The following DPYD variants were observed in gnomAD, a reference collection of about 807,000 sequenced individuals.
DPYD encodes the protein dihydropyrimidine dehydrogenase [NADP(+)].
In DPYD, 109 loss-of-function variants were observed where a neutral mutation model predicts 116.2. The ratio of observed to expected loss-of-function variants is 0.94; its 90% CI spans 0.80 to 1.10. DPYD has a LOEUF of 1.10. Ranked by LOEUF, DPYD falls within the 50% of genes least tolerant of loss-of-function variation. The pLI, the probability that DPYD is intolerant of heterozygous loss-of-function variation, is 0.00. For missense variants in DPYD, 1,302 were observed against 1,254.5 expected, an observed-to-expected ratio of 1.04 and a Z score of -0.57; for synonymous variants, 440 against 432.0, an observed-to-expected ratio of 1.02 and a Z score of -0.23.
chr1:97,455,188 T>C (rs1676615258), intron 13 of DPYD, among the ~76,000 whole-genome samples: 1 of 151,856 alleles, frequency 6.6e-6, no homozygotes, highest in African/African-American at 2.4e-5. Context: ...GTACTAGTGA[T>C]ATATAATTAT....
intron 21 of DPYD, among the ~76,000 whole-genome samples, chr1:97,082,689 C>A (rs1009258115): frequency 1.3e-5 from 2 of 151,990 alleles, no homozygotes; most frequent in Non-Finnish European, 2.9e-5. Context: ...CTTAGAAATA[C>A]GAGACCTAAT....
intron 3 of DPYD, among the ~76,000 whole-genome samples, chr1:97,751,958 C>A (rs1258357916): frequency 6.6e-6 from 1 of 151,888 alleles, no homozygotes; most frequent in Non-Finnish European, 1.5e-5. Context: ...AGACTTTCAC[C>A]ACGTTGGCCG....
At chr1:97,624,245 T>G (rs944673562) in intron 8 of DPYD, among the ~76,000 whole-genome samples, 1 of 151,904 alleles carries the variant, frequency 6.6e-6, no homozygotes, top group African/African-American at 2.4e-5. Context: ...GGAGTTAATA[T>G]CCAAAATACT....
At chr1:97,580,639 T>G (rs967959251) in intron 10 of DPYD, among the ~76,000 whole-genome samples, 3 of 152,232 alleles carry the variant, frequency 2.0e-5, no homozygotes, top group Admixed American at 2.0e-4. Context: ...AGCCCACTTG[T>G]GTGCTTTTTT....
intron 8 of DPYD, among the ~76,000 whole-genome samples, chr1:97,599,860 CAAAAAAAAAAAAAAAAAAAA>C (rs56940277): frequency 2.5e-4 from 9 of 36,440 alleles, no homozygotes; most frequent in African/African-American, 6.7e-4. Context: ...CCCATCTCCA[CAAAAAAAAAAAAAAAAAAAA>C]AAAAAAAAAA....
intron 21 of DPYD, among the ~76,000 whole-genome samples, chr1:97,083,001 C>A (rs1274605816): frequency 2.0e-5 from 3 of 152,046 alleles, no homozygotes; most frequent in African/African-American, 7.2e-5. Context: ...GAAGAGTATG[C>A]AACATTATTT....
At chr1:97,670,433 G>T (rs373559549) in intron 8 of DPYD, among the ~76,000 whole-genome samples, 1 of 152,150 alleles carries the variant, frequency 6.6e-6, no homozygotes, top group Non-Finnish European at 1.5e-5. Context: ...AAGAAGAAAC[G>T]TCAGAGGTCT....
intron 20 of DPYD, among the ~76,000 whole-genome samples, chr1:97,113,299 C>T (rs1167989673): frequency 6.6e-6 from 1 of 152,056 alleles, no homozygotes; most frequent in Non-Finnish European, 1.5e-5. Flanking sequence ...AATCTGGGCC[C>T]TTGTGTTACT....
At chr1:97,751,466 A>ATATATATG in intron 3 of DPYD, among the ~76,000 whole-genome samples, 2 of 77,036 alleles carry the variant, frequency 2.6e-5, no homozygotes, top group South Asian at 1.0e-3. Flanking sequence ...GTGTGTATAT[A>ATATATATG]TATATATATA....
chr1:97,199,515 A>T (rs1659057712), intron 19 of DPYD, among the ~76,000 whole-genome samples: 1 of 152,200 alleles, frequency 6.6e-6, no homozygotes, highest in Non-Finnish European at 1.5e-5. Flanking sequence ...TCATACTATG[A>T]ATAAATCATT....
intron 21 of DPYD, among the ~76,000 whole-genome samples, chr1:97,091,493 A>G (rs1649894549): frequency 6.6e-6 from 1 of 152,152 alleles, no homozygotes; most frequent in Admixed American, 6.5e-5. Context: ...AACCACAATA[A>G]AAGGACAAGA....
At chr1:97,691,982 CGTGGA>C (rs1557886438) in intron 6 of DPYD, among the ~76,000 whole-genome samples, 184 bp from the exon 7 acceptor site, 1 of 151,710 alleles carries the variant, frequency 6.6e-6, no homozygotes, top group Non-Finnish European at 1.5e-5. Flanking sequence ...AAACATGTTA[CGTGGA>C]GTGAAGATAC....
chr1:97,224,325 T>A (rs904542813), intron 19 of DPYD, among the ~76,000 whole-genome samples: 1 of 152,064 alleles, frequency 6.6e-6, no homozygotes, highest in Middle Eastern at 3.2e-3. Context: ...AGTACCCAGA[T>A]TACTCTCTAG....
chr1:97,306,401 T>C (rs967686514), intron 16 of DPYD, 104 bp from the exon 17 acceptor site: 59 of 1,424,852 alleles, frequency 4.1e-5, no homozygotes, highest in African/African-American at 1.4e-5. Context: ...CAAATCCAAC[T>C]TGACAATGAG....
chr1:97,729,300 T>C (rs1300607453), intron 4 of DPYD, among the ~76,000 whole-genome samples: 1 of 152,100 alleles, frequency 6.6e-6, no homozygotes, highest in Non-Finnish European at 1.5e-5. Flanking sequence ...TGGGGAAATG[T>C]CATATCTCTC....
chr1:97,382,934 CATA>C (rs922670073), intron 14 of DPYD, among the ~76,000 whole-genome samples: 3 of 152,112 alleles, frequency 2.0e-5, no homozygotes, highest in African/African-American at 7.2e-5. Context: ...CTATAGTACA[CATA>C]ATAATATCTT....
chr1:97,642,624 C>A (rs1308052878), intron 8 of DPYD, among the ~76,000 whole-genome samples: 2 of 150,334 alleles, frequency 1.3e-5, no homozygotes, highest in Non-Finnish European at 3.0e-5. Context: ...AGTAAACTAT[C>A]GCAAGAACAA....
intron 16 of DPYD, among the ~76,000 whole-genome samples, chr1:97,341,663 G>T (rs6684671): frequency 0.05 from 7,597 of 152,158 alleles, 265 homozygotes; most frequent in East Asian, 0.11. Context: ...AGATAATCAC[G>T]AAGACCTGGT....
chr1:97,106,006 A>G (rs1570464528), intron 20 of DPYD, among the ~76,000 whole-genome samples: 1 of 152,062 alleles, frequency 6.6e-6, no homozygotes, highest in African/African-American at 2.4e-5. Context: ...AGGGCTCTGA[A>G]TTCTGGGCAA....
Sources: gnomAD v4.1 joint callset for allele counts (sites outside exome capture counted in the v4.1 genomes callset) on GRCh38, gnomAD v4.1.1 for gene constraint, MANE v1.5 for transcripts, NCBI Gene and HGNC (gene_info 2026-07-23, HGNC 2026-07-21) for gene names.